The following PCDH15 variants were observed in gnomAD, a reference collection of about 807,000 sequenced individuals.
PCDH15 encodes the protein protocadherin-15.
Under a neutral mutation model 178.5 loss-of-function variants are expected in PCDH15, and 129 were observed. That is an observed-to-expected ratio of 0.72 (90% confidence interval 0.63 to 0.84). PCDH15 has a LOEUF of 0.84. PCDH15 is among the 40% of genes least tolerant of loss of function. PCDH15 has a pLI of 0.00. For missense variants in PCDH15, 2,230 were observed against 2,099.9 expected (o/e 1.06, Z -1.21); for synonymous variants, 800 against 732.0 (o/e 1.09, Z -1.50).
intron 14 of PCDH15, among the ~76,000 whole-genome samples, chr10:54,142,236 T>C (rs565639233): frequency 6.6e-6 from 1 of 152,214 alleles, no homozygotes; most frequent in African/African-American, 2.4e-5. Flanking sequence ...TTTAGAATAA[T>C]AGGCTTTCTG....
chr10:54,148,757 T>C (rs183010081), intron 14 of PCDH15, among the ~76,000 whole-genome samples: 29 of 152,082 alleles, frequency 1.9e-4, no homozygotes, highest in Non-Finnish European at 3.2e-4. Context: ...TTTTGACAAA[T>C]CTATTTCTCT....
At chr10:54,277,468 A>G (rs1258205104) in intron 8 of PCDH15, among the ~76,000 whole-genome samples, 3 of 151,722 alleles carry the variant, frequency 2.0e-5, no homozygotes, top group African/African-American at 7.2e-5. Flanking sequence ...GGATGGCCAG[A>G]TTTAGCAAAT....
intron 1 of PCDH15, among the ~76,000 whole-genome samples, chr10:55,257,749 G>A (rs1475215127): frequency 1.3e-5 from 2 of 152,042 alleles, no homozygotes; most frequent in Non-Finnish European, 2.9e-5. Flanking sequence ...ACATCTGATT[G>A]GTGTACCTGA....
chr10:54,333,605 T>C (rs1588880555), intron 6 of PCDH15, among the ~76,000 whole-genome samples: 1 of 150,038 alleles, frequency 6.7e-6, no homozygotes, highest in Non-Finnish European at 1.5e-5. Flanking sequence ...AAAAAGTAGA[T>C]TTTTTAATAA....
intron 37 of PCDH15, chr10:53,808,053 C>T (rs769225555): frequency 1.3e-5 from 2 of 151,176 alleles, no homozygotes; most frequent in South Asian, 2.1e-4. Flanking sequence ...ATGCCTGTTA[C>T]ATTTATTTTT....
chr10:53,889,521 G>A (rs1460743268), intron 26 of PCDH15, among the ~76,000 whole-genome samples: 2 of 150,282 alleles, frequency 1.3e-5, no homozygotes, highest in Non-Finnish European at 2.9e-5. Context: ...ACCATCACAT[G>A]TTCATCACAG....
chr10:54,554,420 G>A (rs967389261), intron 2 of PCDH15, among the ~76,000 whole-genome samples: 1 of 152,068 alleles, frequency 6.6e-6, no homozygotes, highest in African/African-American at 2.4e-5. Flanking sequence ...CTACGTAAGT[G>A]ATTCTTATGT....
chr10:54,934,926 G>A (rs1223393671), intron 2 of PCDH15, among the ~76,000 whole-genome samples: 6 of 152,206 alleles, frequency 3.9e-5, no homozygotes, highest in East Asian at 1.9e-4. Flanking sequence ...CATGTCCTTT[G>A]AAGGGACATG....
intron 2 of PCDH15, among the ~76,000 whole-genome samples, chr10:55,571,389 A>G (rs942086462): frequency 2.0e-5 from 3 of 152,108 alleles, no homozygotes; most frequent in African/African-American, 7.2e-5. Flanking sequence ...GACTAACACA[A>G]TATTTTTAAT....
chr10:54,828,971 G>A (rs901099361), intron 3 of PCDH15, among the ~76,000 whole-genome samples: 1 of 151,850 alleles, frequency 6.6e-6, no homozygotes, highest in Non-Finnish European at 1.5e-5. Flanking sequence ...ACCCTCAAGT[G>A]GAAAGATTCT....
intron 3 of PCDH15, among the ~76,000 whole-genome samples, chr10:54,408,080 A>G (rs1227230756): frequency 6.6e-6 from 1 of 150,996 alleles, no homozygotes; most frequent in Non-Finnish European, 1.5e-5. Flanking sequence ...AGGAAAAGGA[A>G]GCAAAGAAAA....
intron 2 of PCDH15, among the ~76,000 whole-genome samples, chr10:55,107,420 C>T (rs966323823): frequency 6.6e-6 from 1 of 151,496 alleles, no homozygotes; most frequent in Non-Finnish European, 1.5e-5. Context: ...TACCAGATGG[C>T]CTATGAATTT....
chr10:53,815,470 T>A (rs149280576), intron 35 of PCDH15, among the ~76,000 whole-genome samples: 477 of 152,260 alleles, frequency 3.1e-3, no homozygotes, highest in Non-Finnish European at 4.8e-3. Context: ...AATTCAAATT[T>A]TATGGAGCCC....
intron 1 of PCDH15, among the ~76,000 whole-genome samples, chr10:54,757,912 T>C (rs936524800): frequency 6.6e-6 from 1 of 152,174 alleles, no homozygotes; most frequent in Admixed American, 6.5e-5. Flanking sequence ...CAGGAGGTCT[T>C]ATTGGGTCTC....
At chr10:54,609,217 C>CA (rs1304793124) in intron 2 of PCDH15, among the ~76,000 whole-genome samples, 1 of 151,900 alleles carries the variant, frequency 6.6e-6, no homozygotes, top group Admixed American at 6.6e-5. Context: ...GACCTGAAGG[C>CA]AGATATTCAT....
intron 2 of PCDH15, among the ~76,000 whole-genome samples, chr10:55,421,310 A>G (rs1331525552): frequency 3.3e-5 from 5 of 151,192 alleles, no homozygotes; most frequent in African/African-American, 1.2e-4. Context: ...TATCTAATAA[A>G]TTTTTTAAAT....
chr10:54,394,595 C>A (rs1242023525), intron 3 of PCDH15, among the ~76,000 whole-genome samples: 1 of 152,054 alleles, frequency 6.6e-6, no homozygotes, highest in Admixed American at 6.6e-5. Flanking sequence ...ACCGCAGGAC[C>A]GAGGTGAAAT....
At chr10:55,471,631 C>T (rs1839957334) in intron 2 of PCDH15, among the ~76,000 whole-genome samples, 1 of 152,288 alleles carries the variant, frequency 6.6e-6, no homozygotes, top group South Asian at 2.1e-4. Context: ...GAACTCCCAA[C>T]CTAAAGTGAT....
chr10:54,654,016 T>C (rs7086634), intron 2 of PCDH15, among the ~76,000 whole-genome samples: 3,061 of 152,318 alleles, frequency 0.02, 63 homozygotes, highest in East Asian at 0.055. Context: ...CTTTTAGTAA[T>C]GTTGAAACAC....
Sources: allele counts gnomAD v4.1 joint callset (sites outside exome capture counted in the v4.1 genomes callset), GRCh38; gene constraint gnomAD v4.1.1; transcripts MANE v1.5; gene names NCBI Gene and HGNC (gene_info 2026-07-23, HGNC 2026-07-21).